SMAP1: variants seen among roughly 807,000 people sequenced by gnomAD.
SMAP1 encodes small ArfGAP 1, also known as stromal membrane-associated protein 1.
Under a neutral mutation model 58.5 loss-of-function variants are expected in SMAP1, and 24 were observed. The observed-to-expected ratio is 0.41, with a 90% CI of 0.30 to 0.58. The LOEUF (loss-of-function observed/expected upper bound fraction) is 0.58. Among genes scored for constraint, SMAP1 ranks in the 20% least tolerant of loss-of-function variants. The pLI, the probability that SMAP1 is intolerant of heterozygous loss-of-function variation, is 0.29. For synonymous variants in SMAP1, 216 were observed against 196.6 expected (o/e 1.10, Z -0.82); for missense variants, 563 against 566.3 (o/e 0.99, Z 0.06).
intron 3 of SMAP1, among the ~76,000 whole-genome samples, chr6:70,763,313 G>T (rs1419580126): frequency 2.6e-5 from 4 of 151,896 alleles, no homozygotes; most frequent in African/African-American, 9.7e-5. Flanking sequence ...TGCTACTGTT[G>T]TAATTGTTTC....
At chr6:70,775,022 A>G (rs533532365) in intron 4 of SMAP1, among the ~76,000 whole-genome samples, 1,587 of 152,204 alleles carry the variant, frequency 0.01, 12 homozygotes, top group Non-Finnish European at 0.016. Context: ...AAAAAAAAAA[A>G]AAATTAAGTT....
chr6:70,808,823 GT>G (rs375535500), intron 6 of SMAP1, among the ~76,000 whole-genome samples: 46 of 141,842 alleles, frequency 3.2e-4, no homozygotes, highest in East Asian at 6.2e-4. Context: ...CTTTAATCAG[GT>G]TTTTTTTTTT....
At chr6:70,761,464 T>C (rs752002889) in intron 3 of SMAP1, among the ~76,000 whole-genome samples, 2 of 152,084 alleles carry the variant, frequency 1.3e-5, no homozygotes, top group Non-Finnish European at 2.9e-5. Context: ...TAAGTCCTTA[T>C]ATCTCAAATG....
chr6:70,761,284 C>G (rs922769504), intron 3 of SMAP1, among the ~76,000 whole-genome samples: 5 of 151,942 alleles, frequency 3.3e-5, no homozygotes, highest in Admixed American at 2.6e-4. Flanking sequence ...TGCTTTATAA[C>G]TGTAGGCATG....
intron 6 of SMAP1, among the ~76,000 whole-genome samples, chr6:70,804,687 G>A (rs530137569): frequency 6.6e-6 from 1 of 152,212 alleles, no homozygotes; most frequent in South Asian, 2.1e-4. Context: ...TGTAAGGCAG[G>A]CCTGGTGGTG....
chr6:70,852,475 A>C (rs1392822535), intron 7 of SMAP1, 65 bp from the exon 8 acceptor site: 1 of 1,356,322 alleles, frequency 7.4e-7, no homozygotes, highest in Non-Finnish European at 9.6e-7. Context: ...AATTTTTAAA[A>C]TAATGCCATG....
At position 70,725,686 on chromosome 6, in the gene SMAP1, T is replaced by G. The variant is rs529442487; in HGVS notation, c.119-6692T>G. ...GCTGCCTCAAGAATTAACGTTTACA[T>G]CTCAGTTGATTTTGCCCTCCTCTTC... On this transcript the variant is annotated intron_variant, in intron 1 of 10. Transcript: ENST00000370455. Among the ~76,000 whole-genome samples the G allele has an allele frequency of 7.9e-5, 12 of 152,342 alleles. No homozygotes were observed. In the South Asian group the frequency reaches 2.3e-3, roughly 29 times the overall value.
At chr6:70,684,962 G>A (rs960224583) in intron 1 of SMAP1, among the ~76,000 whole-genome samples, 2 of 152,040 alleles carry the variant, frequency 1.3e-5, no homozygotes, top group East Asian at 1.9e-4. Flanking sequence ...TTCCTTCTTC[G>A]TGGTGGGGGT....
intron 1 of SMAP1, among the ~76,000 whole-genome samples, chr6:70,730,523 C>T (rs1278055588): frequency 2.6e-5 from 4 of 152,168 alleles, no homozygotes; most frequent in African/African-American, 9.7e-5. Flanking sequence ...TGGAAAGTAA[C>T]TGGGGGAGGC....
At chr6:70,755,752 A>G (rs1457939868) in intron 3 of SMAP1, among the ~76,000 whole-genome samples, 1 of 151,940 alleles carries the variant, frequency 6.6e-6, no homozygotes, top group Non-Finnish European at 1.5e-5. Context: ...ATTATTTTAG[A>G]CTGTTACTAG....
intron 1 of SMAP1, among the ~76,000 whole-genome samples, chr6:70,697,611 T>C (rs1164710316): frequency 6.6e-6 from 1 of 152,184 alleles, no homozygotes; most frequent in Admixed American, 6.5e-5. Flanking sequence ...TGGCCGCTTC[T>C]TGTCTTTTTG....
At chr6:70,680,519 C>G (rs1381276765) in intron 1 of SMAP1, among the ~76,000 whole-genome samples, 5 of 151,914 alleles carry the variant, frequency 3.3e-5, no homozygotes, top group African/African-American at 4.8e-5. Flanking sequence ...TTCATAATAG[C>G]CAAACACTGG....
chr6:70,852,474 A>G lies in SMAP1; in HGVS notation c.665-66A>G, dbSNP rs574154776. 1.9e-5 allele frequency: 26 copies of G among 1,353,798 alleles called. 1 individual carries two copies. The South Asian group carries it at 4.3e-4, about 22-fold the overall frequency. 83.9% of individuals were successfully genotyped at this position (1,353,798 alleles called of 1,614,324 possible). Reference sequence around the variant, plus strand: ...TTTTTAACCATATATCAATTTTTAAAATAATGCCATGTTTCAAGTAATTTA... The same window carrying G: ...TTTTTAACCATATATCAATTTTTAAGATAATGCCATGTTTCAAGTAATTTA... On this transcript the variant is annotated intron_variant, in intron 7 of 10. Coordinates refer to ENST00000370455, the MANE Select transcript of SMAP1 (RefSeq NM_001044305.3).
chr6:70,854,495 G>A (rs541149641), intron 8 of SMAP1, among the ~76,000 whole-genome samples: 10 of 152,118 alleles, frequency 6.6e-5, no homozygotes, highest in South Asian at 6.2e-4. Flanking sequence ...GGTGGCGTGC[G>A]CCTGTAATCC....
intron 4 of SMAP1, among the ~76,000 whole-genome samples, chr6:70,785,412 C>A (rs535066043): frequency 6.6e-6 from 1 of 152,260 alleles, no homozygotes; most frequent in South Asian, 2.1e-4. Flanking sequence ...CAAGAGCAAA[C>A]ACATTCAAAA....
intron 4 of SMAP1, among the ~76,000 whole-genome samples, chr6:70,789,406 T>C (rs1768237974): frequency 6.9e-6 from 1 of 144,610 alleles, no homozygotes; most frequent in Non-Finnish European, 1.5e-5. Flanking sequence ...TATTTTCTTT[T>C]CTAGAGTTTT....
intron 1 of SMAP1, among the ~76,000 whole-genome samples, chr6:70,715,234 C>A (rs1394122840): frequency 1.3e-5 from 2 of 151,702 alleles, no homozygotes; most frequent in Non-Finnish European, 2.9e-5. Flanking sequence ...GTTTCTGGGA[C>A]CACAAGCACT....
chr6:70,787,362 G>A (rs539822096), intron 4 of SMAP1, among the ~76,000 whole-genome samples: 1 of 151,076 alleles, frequency 6.6e-6, no homozygotes, highest in African/African-American at 2.4e-5. Context: ...GAAAACCTAG[G>A]CAATACCATT....
intron 1 of SMAP1, among the ~76,000 whole-genome samples, chr6:70,669,564 C>T (rs1303895755): frequency 1.3e-5 from 2 of 152,092 alleles, no homozygotes; most frequent in Non-Finnish European, 2.9e-5. Flanking sequence ...TACTTGTTTT[C>T]CTAGTAACTT....
Sources: gnomAD v4.1 joint callset for allele counts (sites outside exome capture counted in the v4.1 genomes callset) on GRCh38, gnomAD v4.1.1 for gene constraint, MANE v1.5 for transcripts, NCBI Gene and HGNC (gene_info 2026-07-23, HGNC 2026-07-21) for gene names.